Variants in TECPR2 observed in about 807,000 individuals in gnomAD.
The protein encoded by TECPR2 is tectonin beta-propeller repeat-containing protein 2.
TECPR2 carries 65 observed loss-of-function variants against 138.1 expected under a neutral mutation model. The observed-to-expected ratio is 0.47, with a 90% confidence interval of 0.39 to 0.58. The LOEUF (loss-of-function observed/expected upper bound fraction) is 0.58. Among genes scored for constraint, TECPR2 ranks in the 20% least tolerant of loss-of-function variants. The probability of loss-of-function intolerance (pLI) is 0.00; values close to 1 mark genes in which losing one functional copy is unlikely to be tolerated. For synonymous variants in TECPR2, 746 were observed against 749.8 expected (o/e 0.99, Z 0.08); for missense variants, 1,553 against 1,824.5 (o/e 0.85, Z 2.71).
chr14:102,395,159 GCTC>G (rs1412437078), intron 2 of TECPR2, among the ~76,000 whole-genome samples: 1 of 152,158 alleles, frequency 6.6e-6, no homozygotes, highest in Non-Finnish European at 1.5e-5. Flanking sequence ...ATGAAAGTGA[GCTC>G]CTTCATTACC....
At chr14:102,446,015 C>T (rs1889968582) in intron 13 of TECPR2, 68 bp downstream of exon 13, 9 of 1,507,774 alleles carry the variant, frequency 6.0e-6, no homozygotes, top group Non-Finnish European at 7.2e-6. Context: ...TTTCTTACTT[C>T]TCTCTTTTCC....
At chr14:102,446,749 A>G (rs112385323) in intron 13 of TECPR2, among the ~76,000 whole-genome samples, 282 of 152,316 alleles carry the variant, frequency 1.9e-3, no homozygotes, top group African/African-American at 6.4e-3. Flanking sequence ...GTGCATTAGA[A>G]ACATAAAGGA....
At chr14:102,477,619 C>T (rs1368047361) in intron 17 of TECPR2, among the ~76,000 whole-genome samples, 4 of 142,746 alleles carry the variant, frequency 2.8e-5, no homozygotes, top group Admixed American at 7.1e-5. Context: ...GGTGCGATCT[C>T]GGCTCACTGC....
intron 2 of TECPR2, among the ~76,000 whole-genome samples, chr14:102,402,848 A>G (rs1203023765): frequency 1.3e-5 from 2 of 152,200 alleles, no homozygotes; most frequent in Non-Finnish European, 2.9e-5. Context: ...GTGAAAAAAT[A>G]GAATACCTGA....
intron 7 of TECPR2, among the ~76,000 whole-genome samples, chr14:102,428,681 G>A (rs1889391974): frequency 6.6e-6 from 1 of 152,126 alleles, no homozygotes; most frequent in African/African-American, 2.4e-5. Flanking sequence ...AGGATCGCTT[G>A]AGCCTGGGAG....
At chr14:102,480,980 G>C (rs1051073702) in intron 17 of TECPR2, among the ~76,000 whole-genome samples, 4 of 150,150 alleles carry the variant, frequency 2.7e-5, no homozygotes, top group Admixed American at 1.3e-4. Flanking sequence ...GAGTAGCTGG[G>C]AGTACAGGCA....
chr14:102,442,444 G>A (rs897122253), intron 11 of TECPR2, among the ~76,000 whole-genome samples: 1 of 152,224 alleles, frequency 6.6e-6, no homozygotes, highest in Admixed American at 6.5e-5. Flanking sequence ...CCTAGTTCCT[G>A]TGTCTTTCTT....
At chr14:102,487,934 C>T (rs1215601608) in intron 17 of TECPR2, among the ~76,000 whole-genome samples, 11 of 151,178 alleles carry the variant, frequency 7.3e-5, no homozygotes, top group African/African-American at 1.7e-4. Flanking sequence ...CTCTGCCTCC[C>T]GGGTTCAAGC....
intron 16 of TECPR2, among the ~76,000 whole-genome samples, chr14:102,461,146 G>A (rs930164248): frequency 1.8e-4 from 28 of 152,152 alleles, no homozygotes; most frequent in Admixed American, 9.8e-4. Context: ...ATGGAATTTT[G>A]TAGTGATTTA....
rs532536043 is a variant in TECPR2, at chr14:102,463,489, G to A, written c.3641-1652G>A. On this transcript the variant is annotated intron_variant, in intron 16 of 19. Transcript: ENST00000359520. Reference sequence around the variant, plus strand: ...AGAGGTTGCAGTGAGCCAAGATCACGCCACTGCACTCCAGCCTGGGCAACA... The same window carrying A: ...AGAGGTTGCAGTGAGCCAAGATCACACCACTGCACTCCAGCCTGGGCAACA... Among the ~76,000 whole-genome samples, 5 of 137,142 alleles carry A rather than the reference G, an allele frequency of 3.6e-5. No homozygotes were observed. In the East Asian group the frequency reaches 9.4e-4, roughly 26 times the overall value. The allele number at this position is 137,142 out of a possible 152,430, so 90.0% of individuals were successfully genotyped here. A position where few individuals can be genotyped will look rare whatever the true frequency, so the allele number is the denominator to read the frequency against.
chr14:102,430,759 C>T (rs562134075), intron 7 of TECPR2, among the ~76,000 whole-genome samples: 13 of 152,174 alleles, frequency 8.5e-5, no homozygotes, highest in East Asian at 1.9e-4. Context: ...TCTCACTCTG[C>T]GGTCTACTGG....
At chr14:102,430,694 G>A (rs1320368090) in intron 7 of TECPR2, among the ~76,000 whole-genome samples, 4 of 152,158 alleles carry the variant, frequency 2.6e-5, no homozygotes, top group Admixed American at 6.5e-5. Context: ...CACTGCAGTG[G>A]GAAGCTCACT....
intron 16 of TECPR2, among the ~76,000 whole-genome samples, chr14:102,457,512 T>TTGAC (rs1414836249): frequency 6.6e-6 from 1 of 152,216 alleles, no homozygotes; most frequent in Non-Finnish European, 1.5e-5. Context: ...ATGGGGATTA[T>TTGAC]TGACTGTAAA....
chr14:102,431,340 A>ATTTT (rs35092221), intron 7 of TECPR2, among the ~76,000 whole-genome samples: 5 of 111,732 alleles, frequency 4.5e-5, no homozygotes, highest in East Asian at 2.5e-4. Context: ...GTTTTGGTGG[A>ATTTT]TTTTTTTTTT....
intron 17 of TECPR2, among the ~76,000 whole-genome samples, chr14:102,486,007 C>T (rs916559343): frequency 6.6e-6 from 1 of 152,214 alleles, no homozygotes; most frequent in Non-Finnish European, 1.5e-5. Flanking sequence ...AGCCCCTGCT[C>T]AGGAAGGACA....
At chr14:102,439,018 C>G (rs1319773010) in intron 10 of TECPR2, among the ~76,000 whole-genome samples, 1 of 152,004 alleles carries the variant, frequency 6.6e-6, no homozygotes, top group Non-Finnish European at 1.5e-5. Flanking sequence ...CCCGCCACCA[C>G]GCCCAGCTAA....
chr14:102,434,976 G>A lies in TECPR2; in HGVS notation c.2159G>A (p.Ser720Asn). 6.2e-7 allele frequency: 1 copy of A among 1,614,126 alleles called. No individual in the cohort carries two copies. ...CCCATTTCTGAACGTGTCTTGGGGA[G>A]TGTGGGAGGACAGCTGACTCCGGTC... ...EIPISERVLG[S>N]VGGQLTPVSA... is the part of the protein sequence containing the mutation. The change falls in exon 9 of 20, where the codon AGT (serine) becomes AAT (asparagine). Residue 720 changes from serine (S) to asparagine (N), a missense_variant. Physicochemically the swap from Ser to Asn is conservative, Grantham distance 46. Transcript: ENST00000359520.
At chr14:102,367,311 G>C (rs1887369586) in intron 1 of TECPR2, among the ~76,000 whole-genome samples, 1 of 152,058 alleles carries the variant, frequency 6.6e-6, no homozygotes, top group Non-Finnish European at 1.5e-5. Context: ...ACAATTCAAT[G>C]GTTTTTACTG....
chr14:102,450,720 C>A (rs879407323), intron 15 of TECPR2, 71 bp downstream of exon 15: 6 of 1,484,018 alleles, frequency 4.0e-6, no homozygotes, highest in South Asian at 2.3e-5. Flanking sequence ...AAACCACAGT[C>A]GGACTGTGGC....
Sources: allele counts gnomAD v4.1 joint callset (sites outside exome capture counted in the v4.1 genomes callset), GRCh38; gene constraint gnomAD v4.1.1; transcripts MANE v1.5; gene names NCBI Gene and HGNC (gene_info 2026-07-23, HGNC 2026-07-21).